Variants in RBFOX1 observed in about 807,000 individuals in gnomAD.
The protein encoded by RBFOX1 is RNA binding fox-1 homolog 1, also known as RNA binding protein fox-1 homolog 1.
A neutral mutation model predicts 57.7 loss-of-function variants in RBFOX1; 8 were observed. The observed-to-expected ratio is 0.14, with a 90% CI of 0.08 to 0.25. The LOEUF (loss-of-function observed/expected upper bound fraction) is 0.25, where lower values mean the gene tolerates loss of function less well. Ranked by LOEUF, RBFOX1 falls within the 10% of genes least tolerant of loss-of-function variation. The pLI is 1.00. For synonymous variants in RBFOX1, 326 were observed against 222.4 expected (o/e 1.47, Z -4.15); for missense variants, 611 against 548.5 (o/e 1.11, Z -1.14).
At chr16:6,777,101 A>G (rs1012911536) in intron 3 of RBFOX1, among the ~76,000 whole-genome samples, 2 of 152,186 alleles carry the variant, frequency 1.3e-5, no homozygotes, top group Non-Finnish European at 2.9e-5. Flanking sequence ...TCAATTTAGT[A>G]AAATACGAGT....
intron 3 of RBFOX1, among the ~76,000 whole-genome samples, chr16:5,855,530 T>G (rs2057002359): frequency 6.6e-6 from 1 of 152,232 alleles, no homozygotes; most frequent in Non-Finnish European, 1.5e-5. Context: ...ATCAGTTGAC[T>G]ATAGATGGCT....
At chr16:5,867,338 A>C (rs2057366555) in intron 4 of RBFOX1, 1 of 1,203,948 alleles carries the variant, frequency 8.3e-7, no homozygotes, top group African/African-American at 1.6e-5. Flanking sequence ...AAGCTGAGGT[A>C]GGAAACGTGG....
chr16:6,832,172 A>T (rs1377715710), intron 3 of RBFOX1, among the ~76,000 whole-genome samples: 1 of 152,220 alleles, frequency 6.6e-6, no homozygotes, highest in African/African-American at 2.4e-5. Flanking sequence ...ATTCATCTTC[A>T]GAAATGAATA....
At chr16:7,187,344 T>G (rs1224198862) in intron 4 of RBFOX1, among the ~76,000 whole-genome samples, 1 of 151,984 alleles carries the variant, frequency 6.6e-6, no homozygotes, top group Admixed American at 6.6e-5. Flanking sequence ...ATCGATCACT[T>G]AAAAAATTGT....
intron 4 of RBFOX1, among the ~76,000 whole-genome samples, chr16:7,413,028 C>G (rs565012491): frequency 1.2e-4 from 18 of 151,198 alleles, no homozygotes; most frequent in African/African-American, 4.1e-4. Context: ...GGCGAAAGAG[C>G]GAGACTCCGT....
intron 4 of RBFOX1, among the ~76,000 whole-genome samples, chr16:5,939,383 G>T (rs4378614): frequency 6.6e-6 from 1 of 152,104 alleles, no homozygotes; most frequent in African/African-American, 2.4e-5. Flanking sequence ...CCCAGGGTCT[G>T]TCATGAGTTT....
chr16:6,295,224 A>C, intron 1 of RBFOX1, among the ~76,000 whole-genome samples: 1 of 150,964 alleles, frequency 6.6e-6, no homozygotes, highest in Non-Finnish European at 1.5e-5. Context: ...CCTAGGTTCA[A>C]GTGATTGTCG....
At chr16:6,808,457 C>A (rs112366632) in intron 3 of RBFOX1, among the ~76,000 whole-genome samples, 8 of 152,062 alleles carry the variant, frequency 5.3e-5, no homozygotes, top group African/African-American at 1.7e-4. Context: ...AAGGATCTCA[C>A]CCCTTGCTTC....
At chr16:5,364,038 C>G (rs62017723) in intron 1 of RBFOX1, among the ~76,000 whole-genome samples, 5,834 of 152,290 alleles carry the variant, frequency 0.038, 165 homozygotes, top group Middle Eastern at 0.078. Context: ...GTTACTCCTT[C>G]TCTCCCTCAG....
intron 4 of RBFOX1, among the ~76,000 whole-genome samples, chr16:7,179,524 T>C (rs1017816463): frequency 6.6e-6 from 1 of 152,198 alleles, no homozygotes; most frequent in Non-Finnish European, 1.5e-5. Flanking sequence ...TTATGTTTGC[T>C]GTTAGACCTG....
At chr16:7,617,324 G>T (rs1230678296) in intron 10 of RBFOX1, among the ~76,000 whole-genome samples, 2 of 152,140 alleles carry the variant, frequency 1.3e-5, no homozygotes, top group Non-Finnish European at 1.5e-5. Flanking sequence ...TAAAACTAAG[G>T]ACGTGGAAAT....
intron 4 of RBFOX1, among the ~76,000 whole-genome samples, chr16:5,974,261 A>G (rs1319982362): frequency 1.3e-5 from 2 of 152,184 alleles, no homozygotes; most frequent in East Asian, 1.9e-4. Flanking sequence ...GTAGAGTTTC[A>G]TGAATAACTT....
chr16:5,441,596 C>T (rs570745008), intron 1 of RBFOX1, among the ~76,000 whole-genome samples: 1 of 152,230 alleles, frequency 6.6e-6, no homozygotes, highest in Admixed American at 6.5e-5. Flanking sequence ...AACTCCTGGC[C>T]TTAAGTGATT....
At chr16:5,680,889 G>A (rs371971525) in intron 3 of RBFOX1, among the ~76,000 whole-genome samples, 2 of 141,022 alleles carry the variant, frequency 1.4e-5, no homozygotes, top group Non-Finnish European at 3.1e-5. Context: ...TATAGAGCTT[G>A]TATTTGTGTG....
intron 2 of RBFOX1, among the ~76,000 whole-genome samples, chr16:5,579,140 G>A (rs1010078844): frequency 1.1e-4 from 17 of 152,028 alleles, no homozygotes; most frequent in South Asian, 2.1e-4. Flanking sequence ...GAGCCACCAC[G>A]CCTGGCCACA....
At chr16:7,217,414 C>G (rs563752743) in intron 4 of RBFOX1, among the ~76,000 whole-genome samples, 13 of 148,892 alleles carry the variant, frequency 8.7e-5, no homozygotes, top group South Asian at 2.1e-4. Flanking sequence ...CAGGCATGAA[C>G]CACCACGTCC....
chr16:6,171,105 C>T (rs2096956836), intron 1 of RBFOX1, among the ~76,000 whole-genome samples: 1 of 152,132 alleles, frequency 6.6e-6, no homozygotes, highest in African/African-American at 2.4e-5. Context: ...GGTATATACC[C>T]AGTGATGGGA....
At chr16:6,848,363 T>C (rs369055410) in intron 3 of RBFOX1, among the ~76,000 whole-genome samples, 14 of 152,152 alleles carry the variant, frequency 9.2e-5, no homozygotes, top group Admixed American at 2.6e-4. Flanking sequence ...GTGAAATTTA[T>C]AGTTTTTGAA....
intron 4 of RBFOX1, among the ~76,000 whole-genome samples, chr16:7,090,582 T>G (rs1370124764): frequency 1.3e-5 from 2 of 152,220 alleles, no homozygotes; most frequent in African/African-American, 4.8e-5. Flanking sequence ...TACATTTTTT[T>G]CCCTTAAATT....
Sources: gnomAD v4.1 joint callset for allele counts (sites outside exome capture counted in the v4.1 genomes callset) on GRCh38, gnomAD v4.1.1 for gene constraint, MANE v1.5 for transcripts, NCBI Gene and HGNC (gene_info 2026-07-23, HGNC 2026-07-21) for gene names.